RERG: variants seen among roughly 807,000 people sequenced by gnomAD.
The protein encoded by RERG is RAS like estrogen regulated growth inhibitor, also known as ras-related and estrogen-regulated growth inhibitor.
Under a neutral mutation model 23.2 loss-of-function variants are expected in RERG, and 25 were observed. That is an observed-to-expected ratio of 1.08 (90% CI 0.79 to 1.50). The LOEUF (loss-of-function observed/expected upper bound fraction) is 1.50, where lower values mean the gene tolerates loss of function less well. Among genes scored for constraint, RERG ranks in the 40% most tolerant of loss-of-function variants. The probability of loss-of-function intolerance (pLI) is 0.00; values close to 1 mark genes in which losing one functional copy is unlikely to be tolerated. For missense variants in RERG, 253 were observed against 250.1 expected (o/e 1.01, Z -0.08); for synonymous variants, 81 against 89.1 (o/e 0.91, Z 0.51).
chr12:15,171,729 A>C (rs1565527630), intron 2 of RERG, among the ~76,000 whole-genome samples: 2 of 152,200 alleles, frequency 1.3e-5, no homozygotes, highest in Admixed American at 1.3e-4. Context: ...CATTTCCCAG[A>C]GCTCATGCAA....
chr12:15,139,014 C>CTTTT (rs34755371), intron 2 of RERG, among the ~76,000 whole-genome samples: 678 of 51,084 alleles, frequency 0.013, 69 homozygotes, highest in East Asian at 0.026. Flanking sequence ...TGTGTCTAGA[C>CTTTT]TTTTTTTTTT....
In RERG at chr12:15,217,440, A is replaced by G; in HGVS notation, c.50T>C (p.Val17Ala). The stretch of plus-strand genomic sequence containing the variant: ...AACGAAAATCTTACCTGACTTGCCC[A>G]CGCCTGCTCTCCCAAATATTGCCAG... The part of the protein sequence containing the change: ...VKLAIFGRAG[V>A]GKSALVVRFL... Residue 17 changes from valine to alanine, a missense_variant, in exon 2 of 5, where the codon GTG (valine) becomes GCG (alanine). Coordinates refer to ENST00000256953, the MANE Select transcript of RERG (RefSeq NM_032918.3). 6.2e-7 allele frequency: 1 copy of G among 1,612,832 alleles called. No homozygotes were observed. Among genetic ancestry groups the G allele is most frequent in the Non-Finnish European group, 8.5e-7 (1 of 1,178,868 alleles).
At chr12:15,166,513 G>A (rs1864691084) in intron 2 of RERG, among the ~76,000 whole-genome samples, 2 of 148,026 alleles carry the variant, frequency 1.4e-5, no homozygotes, top group African/African-American at 2.6e-5. Context: ...GGATGGTGGT[G>A]ATGGTGGTGA....
intron 2 of RERG, among the ~76,000 whole-genome samples, chr12:15,184,268 T>C (rs890667549): frequency 3.9e-5 from 6 of 152,210 alleles, no homozygotes; most frequent in African/African-American, 1.4e-4. Flanking sequence ...ATGTGAATAA[T>C]ATATTAATAC....
intron 2 of RERG, among the ~76,000 whole-genome samples, chr12:15,168,395 C>G (rs1440257662): frequency 2.6e-5 from 4 of 152,134 alleles, no homozygotes; most frequent in Non-Finnish European, 5.9e-5. Context: ...TTGAGGAAAC[C>G]CTTTGACTCC....
chr12:15,139,388 T>C lies in RERG; in HGVS notation c.62-18269A>G, dbSNP rs187011608. 2.3e-3 allele frequency among the ~76,000 whole-genome samples: 351 copies of C among 152,224 alleles called. 2 individuals are homozygous for C. Among genetic ancestry groups the C allele is most frequent in the African/African-American group, 8.2e-3 (340 of 41,568 alleles). ...TTGCTGGGATTTTACTTGAATTGGA[T>C]TGAATCTATAGGTTAAGTTGGGAAG... On this transcript the variant is annotated intron_variant, in intron 2 of 4. Coordinates refer to ENST00000256953, the MANE Select transcript of RERG (RefSeq NM_032918.3).
intron 2 of RERG, among the ~76,000 whole-genome samples, chr12:15,144,060 G>C (rs1864287695): frequency 6.6e-6 from 1 of 152,124 alleles, no homozygotes; most frequent in Non-Finnish European, 1.5e-5. Context: ...AGAGGTGAGT[G>C]AGGAGGTGAA....
Position 15,124,572 on chromosome 12 carries a change from C to CA in RERG, c.62-3454dup, listed in dbSNP as rs762001439. On this transcript the variant is annotated intron_variant, in intron 2 of 4. Coordinates refer to ENST00000256953, the MANE Select transcript of RERG (RefSeq NM_032918.3). ...AACTTGATTAACAATGTATATAATG[C>CA]AATTTTTTTCTAAGATACTTAAGCA... is the stretch of plus-strand genomic sequence containing the variant. Among the ~76,000 whole-genome samples the CA allele has an allele frequency of 1.2e-4, 19 of 152,020 alleles. No homozygotes were observed. In the East Asian group the frequency reaches 2.7e-3, roughly 22 times the overall value.
Position 15,221,363 on chromosome 12 carries a change from GC to G in RERG, c.-284del, listed in dbSNP as rs1865510576. Reference sequence around the variant, plus strand: ...CTCGCCGCAGAAGCAAGTGCCAGTGGCCCGGCGGGGGTCTCCTCACTCGCGC... The same window carrying G: ...CTCGCCGCAGAAGCAAGTGCCAGTGGCCGGCGGGGGTCTCCTCACTCGCGC... On this transcript the variant is annotated 5_prime_UTR_variant, in exon 1 of 5. Transcript: ENST00000256953. 1 of 152,292 alleles carries G rather than the reference GC, an allele frequency of 6.6e-6. No homozygotes were observed. The highest frequency in any genetic ancestry group is 2.4e-5 in the African/African-American group (1 of 41,462). The allele number at this position is 152,292 out of a possible 1,614,324, so 9.4% of individuals were successfully genotyped here.
At chr12:15,148,791 A>G (rs1484071804) in intron 2 of RERG, among the ~76,000 whole-genome samples, 1 of 149,478 alleles carries the variant, frequency 6.7e-6, no homozygotes, top group Non-Finnish European at 1.5e-5. Context: ...TCTGTACATG[A>G]ACATCAATCA....
At position 15,109,051 on chromosome 12, in the gene RERG, AAAGGGGAACAG is replaced by A; in HGVS notation, c.*48_*58del. The A allele has an allele frequency of 7.0e-7, 1 of 1,424,478 alleles. No individual in the cohort carries two copies. The highest frequency in any genetic ancestry group is 9.4e-7 in the Non-Finnish European group (1 of 1,061,060). The allele number at this position is 1,424,478 out of a possible 1,614,324, so 88.2% of individuals were successfully genotyped here. A position where few individuals can be genotyped will look rare whatever the true frequency, so the allele number is the denominator to read the frequency against. ...AATGCAATATTTTGTTTTATTTTTG[AAAGGGGAACAG>A]AAGGGGAAGAGTGTTTCCAATTAGT... On this transcript the variant is annotated 3_prime_UTR_variant, in exon 5 of 5. Coordinates refer to ENST00000256953, the MANE Select transcript of RERG (RefSeq NM_032918.3).
At chr12:15,195,661 C>T (rs572625796) in intron 2 of RERG, among the ~76,000 whole-genome samples, 64 of 148,418 alleles carry the variant, frequency 4.3e-4, no homozygotes, top group Middle Eastern at 7.1e-3. Context: ...AGCATCTATT[C>T]GTCTCAAATT....
chr12:15,110,128 C>G (rs1006831565), intron 4 of RERG, among the ~76,000 whole-genome samples: 3 of 151,998 alleles, frequency 2.0e-5, no homozygotes, highest in Non-Finnish European at 4.4e-5. Context: ...CGTGTAGTAC[C>G]AATGACAGAA....
chr12:15,173,155 T>C (rs890045197), intron 2 of RERG, among the ~76,000 whole-genome samples: 3 of 152,054 alleles, frequency 2.0e-5, no homozygotes, highest in Non-Finnish European at 2.9e-5. Context: ...ATTTTGCAGA[T>C]AGTGTGAGGT....
chr12:15,203,924 C>T (rs1481076818), intron 2 of RERG, among the ~76,000 whole-genome samples: 2 of 151,438 alleles, frequency 1.3e-5, no homozygotes, highest in Non-Finnish European at 3.0e-5. Context: ...ATTAAGGAAT[C>T]TACAAATAAA....
At chr12:15,185,577 T>C (rs796789719) in intron 2 of RERG, among the ~76,000 whole-genome samples, 1 of 152,170 alleles carries the variant, frequency 6.6e-6, no homozygotes, top group Non-Finnish European at 1.5e-5. Flanking sequence ...AACAGTACGG[T>C]ATTTTAAGGG....
intron 2 of RERG, among the ~76,000 whole-genome samples, chr12:15,181,141 C>T (rs961491259): frequency 1.3e-5 from 2 of 152,122 alleles, no homozygotes; most frequent in Non-Finnish European, 2.9e-5. Flanking sequence ...CAGCACATAA[C>T]ATTGCAGTAG....
At chr12:15,125,120 G>A (rs186697963) in intron 2 of RERG, among the ~76,000 whole-genome samples, 21 of 151,984 alleles carry the variant, frequency 1.4e-4, no homozygotes, top group African/African-American at 2.2e-4. Context: ...GTATAATCAC[G>A]TAACTTTAAA....
At chr12:15,178,710 T>C (rs1864885125) in intron 2 of RERG, among the ~76,000 whole-genome samples, 1 of 152,156 alleles carries the variant, frequency 6.6e-6, no homozygotes, top group African/African-American at 2.4e-5. Context: ...AGAGTTTGAC[T>C]CCTACGAACC....
Sources: gnomAD v4.1 joint callset for allele counts (sites outside exome capture counted in the v4.1 genomes callset) on GRCh38, gnomAD v4.1.1 for gene constraint, MANE v1.5 for transcripts, NCBI Gene and HGNC (gene_info 2026-07-23, HGNC 2026-07-21) for gene names.